Variants in FRMD4A observed in about 807,000 individuals in gnomAD.
FRMD4A encodes FERM domain-containing protein 4A.
Under a neutral mutation model 129.1 loss-of-function variants are expected in FRMD4A, and 29 were observed. That is an observed-to-expected ratio of 0.22 (90% CI 0.17 to 0.31). The LOEUF (loss-of-function observed/expected upper bound fraction) is 0.31, where lower values mean the gene tolerates loss of function less well. Among genes scored for constraint, FRMD4A ranks in the 10% least tolerant of loss-of-function variants. The pLI is 1.00. For synonymous variants in FRMD4A, 634 were observed against 571.6 expected, an observed-to-expected ratio of 1.11 and a Z score of -1.56; for missense variants, 1,272 against 1,375.8, an observed-to-expected ratio of 0.92 and a Z score of 1.19.
At chr10:13,949,685 C>T (rs2131331111) in intron 2 of FRMD4A, among the ~76,000 whole-genome samples, 1 of 152,300 alleles carries the variant, frequency 6.6e-6, no homozygotes, top group Non-Finnish European at 1.5e-5. Flanking sequence ...TTTTAGTCTT[C>T]ACATCAGTAC....
chr10:13,874,499 C>G (rs2094470626), intron 2 of FRMD4A, among the ~76,000 whole-genome samples: 1 of 152,004 alleles, frequency 6.6e-6, no homozygotes, highest in African/African-American at 2.4e-5. Context: ...AAAGATCATT[C>G]TAAACAATAA....
chr10:13,907,132 AG>A (rs1247871335), intron 2 of FRMD4A, among the ~76,000 whole-genome samples: 1 of 152,230 alleles, frequency 6.6e-6, no homozygotes, highest in Non-Finnish European at 1.5e-5. Context: ...TCCATTTTTT[AG>A]GAGTTAGAAC....
intron 18 of FRMD4A, among the ~76,000 whole-genome samples, 188 bp from the exon 19 acceptor site, chr10:13,663,697 C>A (rs2134682621): frequency 6.6e-6 from 1 of 152,286 alleles, no homozygotes; most frequent in African/African-American, 2.4e-5. Flanking sequence ...ATTGGCTCAG[C>A]CTCCCCACCC....
rs547685767 is a variant in FRMD4A, at chr10:13,996,413, ACT to A, written c.46-137503_46-137502del. Among the ~76,000 whole-genome samples, 18 of 152,258 alleles carry A rather than the reference ACT, an allele frequency of 1.2e-4. No individual in the cohort carries two copies. In the South Asian group the frequency reaches 3.5e-3, roughly 30 times the overall value. On this transcript the variant is annotated intron_variant, in intron 2 of 24. Transcript: ENST00000357447. ...GAACAGCTTTTGCAGAGCCCTGATG[ACT>A]CTGCTCATCTACACCCAGGCACATA...
At chr10:13,898,535 T>G (rs191885709) in intron 2 of FRMD4A, among the ~76,000 whole-genome samples, 173 of 152,320 alleles carry the variant, frequency 1.1e-3, no homozygotes, top group African/African-American at 3.9e-3. Flanking sequence ...TTTGTGTGTA[T>G]GCCCAAAGTG....
chr10:14,147,428 T>C (rs940415759), intron 2 of FRMD4A, among the ~76,000 whole-genome samples: 1 of 152,200 alleles, frequency 6.6e-6, no homozygotes, highest in African/African-American at 2.4e-5. Flanking sequence ...GGTTTCAGGA[T>C]GATTCAAGCA....
At chr10:14,263,018 T>A (rs932890781) in intron 2 of FRMD4A, among the ~76,000 whole-genome samples, 1 of 152,218 alleles carries the variant, frequency 6.6e-6, no homozygotes, top group Non-Finnish European at 1.5e-5. Context: ...ATACACCAGG[T>A]CAGTGTTCCC....
intron 2 of FRMD4A, among the ~76,000 whole-genome samples, chr10:14,184,564 A>G (rs1842021972): frequency 6.6e-6 from 1 of 152,092 alleles, no homozygotes; most frequent in Admixed American, 6.6e-5. Context: ...AATTTAAGGG[A>G]ATTTGTTTGC....
chr10:14,258,575 A>G (rs1022703774), intron 2 of FRMD4A, among the ~76,000 whole-genome samples: 5 of 152,226 alleles, frequency 3.3e-5, no homozygotes, highest in Non-Finnish European at 7.3e-5. Flanking sequence ...ATGTGGAGAA[A>G]CTGGAACGCT....
intron 2 of FRMD4A, among the ~76,000 whole-genome samples, chr10:13,990,859 T>C (rs2095600809): frequency 6.6e-6 from 1 of 152,150 alleles, no homozygotes; most frequent in Non-Finnish European, 1.5e-5. Flanking sequence ...CATTTTTCTT[T>C]CCATGAACAC....
intron 2 of FRMD4A, among the ~76,000 whole-genome samples, chr10:13,907,236 T>C (rs2094891258): frequency 6.6e-6 from 1 of 152,174 alleles, no homozygotes; most frequent in South Asian, 2.1e-4. Context: ...GGAAATTCTT[T>C]TGGAAATGGT....
chr10:13,718,749 AC>A (rs1214809700), intron 12 of FRMD4A, among the ~76,000 whole-genome samples: 1 of 152,100 alleles, frequency 6.6e-6, no homozygotes, highest in African/African-American at 2.4e-5. Flanking sequence ...CTTTCTTTTC[AC>A]CAGGGCTATC....
At chr10:13,760,027 A>T (rs80237289) in intron 8 of FRMD4A, among the ~76,000 whole-genome samples, 2 of 152,072 alleles carry the variant, frequency 1.3e-5, no homozygotes, top group Admixed American at 1.3e-4. Context: ...CTTTTAACTG[A>T]TTGGAAAAAG....
chr10:14,098,734 A>G (rs965775686), intron 2 of FRMD4A, among the ~76,000 whole-genome samples: 7 of 152,158 alleles, frequency 4.6e-5, no homozygotes, highest in East Asian at 1.9e-4. Context: ...GAACCCCCCA[A>G]TCTAGTCTCT....
chr10:13,804,714 C>T (rs1321899994), intron 4 of FRMD4A, among the ~76,000 whole-genome samples: 5 of 127,740 alleles, frequency 3.9e-5, no homozygotes, highest in Admixed American at 8.0e-5. Flanking sequence ...CCAGCTAATT[C>T]TTTTTTTTTT....
At position 13,656,568 on chromosome 10, in the gene FRMD4A, T is replaced by C. The variant is rs538597314; in HGVS notation, c.2953+68A>G. Reference sequence around the variant, plus strand: ...AGTCCTAAGGGTACCTTCCCCGCGGTAGCCCTTGACACCGGCAAGCAGTTC... The same window carrying C: ...AGTCCTAAGGGTACCTTCCCCGCGGCAGCCCTTGACACCGGCAAGCAGTTC... On this transcript the variant is annotated intron_variant, in intron 22 of 24. Transcript: ENST00000357447. 4.5e-5 allele frequency: 60 copies of C among 1,318,910 alleles called. No individual in the cohort carries two copies. The African/African-American group carries it at 8.5e-4, about 19-fold the overall frequency. The allele number at this position is 1,318,910 out of a possible 1,614,324, so 81.7% of individuals were successfully genotyped here.
intron 19 of FRMD4A, among the ~76,000 whole-genome samples, chr10:13,662,386 G>C (rs1410094093): frequency 6.6e-6 from 1 of 152,070 alleles, no homozygotes; most frequent in Non-Finnish European, 1.5e-5. Context: ...GACTAGTGTG[G>C]ACCTTTCATG....
At chr10:13,834,403 G>A (rs1012994666) in intron 3 of FRMD4A, among the ~76,000 whole-genome samples, 2 of 152,106 alleles carry the variant, frequency 1.3e-5, no homozygotes, top group Non-Finnish European at 2.9e-5. Context: ...AATTAGTCCC[G>A]TCTTCCCTAA....
chr10:13,924,918 G>T (rs569422600), intron 2 of FRMD4A, among the ~76,000 whole-genome samples: 1 of 152,050 alleles, frequency 6.6e-6, no homozygotes, highest in East Asian at 1.9e-4. Flanking sequence ...CAAAAAATTA[G>T]CTAGGCGTGG....
Sources: allele counts gnomAD v4.1 joint callset (sites outside exome capture counted in the v4.1 genomes callset), GRCh38; gene constraint gnomAD v4.1.1; transcripts MANE v1.5; gene names NCBI Gene and HGNC (gene_info 2026-07-23, HGNC 2026-07-21).